TNRC6A: variants seen among roughly 807,000 people sequenced by gnomAD.
TNRC6A encodes trinucleotide repeat-containing gene 6A protein.
TNRC6A carries 44 observed loss-of-function variants against 221.2 expected under a neutral mutation model. The ratio of observed to expected loss-of-function variants is 0.20; its 90% CI spans 0.16 to 0.26. The LOEUF (loss-of-function observed/expected upper bound fraction) is 0.26, where lower values mean the gene tolerates loss of function less well. TNRC6A is among the 10% of genes least tolerant of loss of function. TNRC6A has a pLI of 1.00. For missense variants in TNRC6A, 2,199 were observed against 2,404.4 expected, an observed-to-expected ratio of 0.91 and a Z score of 1.79; for synonymous variants, 847 against 838.5, an observed-to-expected ratio of 1.01 and a Z score of -0.18.
chr16:24,802,564 T>C (rs1027832067), intron 11 of TNRC6A, among the ~76,000 whole-genome samples: 8 of 152,012 alleles, frequency 5.3e-5, no homozygotes, highest in African/African-American at 1.9e-4. Context: ...AAAGTGACAA[T>C]GGGACATCGA....
At chr16:24,712,162 G>C (rs2056217716) in intron 2 of TNRC6A, among the ~76,000 whole-genome samples, 1 of 151,560 alleles carries the variant, frequency 6.6e-6, no homozygotes, top group Non-Finnish European at 1.5e-5. Flanking sequence ...AACTTTTTTT[G>C]TTTTTAAGAG....
At chr16:24,615,924 G>T (rs1900320798) in intron 1 of TNRC6A, among the ~76,000 whole-genome samples, 1 of 138,534 alleles carries the variant, frequency 7.2e-6, no homozygotes. Context: ...GCCAGGTATG[G>T]TAACACAAAT....
Position 24,825,879 on chromosome 16 carries a change from C to G in TNRC6A, c.*2072C>G, listed in dbSNP as rs906271272. ...TTCCCCCTTCACGGCCCTCGCTTCT[C>G]CCTGCAGGAGCTCGGGGGCGAAACC... On this transcript the variant is annotated 3_prime_UTR_variant, in exon 25 of 25. Transcript: ENST00000395799. 6.5e-6 allele frequency: 1 copy of G among 152,694 alleles called. No homozygotes were observed. Among genetic ancestry groups the G allele is most frequent in the Non-Finnish European group, 1.5e-5 (1 of 68,064 alleles). 9.5% of individuals were successfully genotyped at this position (152,694 alleles called of 1,614,324 possible).
At chr16:24,679,093 G>C (rs1011303193) in intron 2 of TNRC6A, among the ~76,000 whole-genome samples, 1 of 150,436 alleles carries the variant, frequency 6.6e-6, no homozygotes, top group Non-Finnish European at 1.5e-5. Flanking sequence ...CCGCCTCCCA[G>C]ATTGAAGCAA....
At chr16:24,803,410 C>A (rs542879495) in intron 11 of TNRC6A, 1 of 151,524 alleles carries the variant, frequency 6.6e-6, no homozygotes, top group East Asian at 1.9e-4. Context: ...CAGAGTGAGA[C>A]CCCTTCTCAA....
At chr16:24,655,376 T>C (rs1480051222) in intron 2 of TNRC6A, among the ~76,000 whole-genome samples, 1 of 152,120 alleles carries the variant, frequency 6.6e-6, no homozygotes, top group African/African-American at 2.4e-5. Flanking sequence ...AGGCCTTAGA[T>C]AAGGGGAACA....
At position 24,642,323 on chromosome 16, in the gene TNRC6A, C is replaced by T. The variant is rs188851231; in HGVS notation, n.402+1314C>T. On this transcript the variant is annotated intron_variant and non_coding_transcript_variant, in intron 2 of 2. Transcript: ENST00000566108. ...CCATGGAAAATCTGAGAGCATCTGA[C>T]GCCTGTCGAGTTGTCAGGCAGGGAT... 2.0e-3 allele frequency among the ~76,000 whole-genome samples: 299 copies of T among 152,170 alleles called. 1 individual carries two copies. Among genetic ancestry groups the T allele is most frequent in the African/African-American group, 6.7e-3 (280 of 41,498 alleles).
At chr16:24,695,959 A>T (rs1386150790) in intron 2 of TNRC6A, among the ~76,000 whole-genome samples, 2 of 152,168 alleles carry the variant, frequency 1.3e-5, no homozygotes. Flanking sequence ...TTTGGCTGAG[A>T]TTCTGTCCCT....
chr16:24,681,584 T>C (rs1444902415), intron 2 of TNRC6A, among the ~76,000 whole-genome samples: 4 of 152,200 alleles, frequency 2.6e-5, no homozygotes, highest in African/African-American at 4.8e-5. Context: ...TAATCATTCA[T>C]AGTGAGCTAC....
At chr16:24,643,094 TTATATA>T (rs1467263946) in intron 2 of TNRC6A, among the ~76,000 whole-genome samples, 1 of 135,832 alleles carries the variant, frequency 7.4e-6, no homozygotes, top group African/African-American at 2.8e-5. Context: ...TATATATATT[TTATATA>T]TATATATAAA....
intron 2 of TNRC6A, among the ~76,000 whole-genome samples, chr16:24,695,031 G>A (rs2055829962): frequency 6.6e-6 from 1 of 152,160 alleles, no homozygotes; most frequent in Non-Finnish European, 1.5e-5. Flanking sequence ...GGGCCCTGCA[G>A]CTTTAATTTG....
intron 9 of TNRC6A, chr16:24,796,165 A>T (rs2058215511): frequency 4.3e-6 from 2 of 467,602 alleles, no homozygotes; most frequent in African/African-American, 2.0e-5. Context: ...GATGCTTGGG[A>T]TGGGATGTGT....
chr16:24,766,663 T>C (rs1032288853), intron 4 of TNRC6A, among the ~76,000 whole-genome samples: 8 of 150,396 alleles, frequency 5.3e-5, no homozygotes, highest in Non-Finnish European at 1.2e-4. Flanking sequence ...CTTGTACTTT[T>C]TTCTTTTTAT....
intron 2 of TNRC6A, among the ~76,000 whole-genome samples, chr16:24,737,965 A>G (rs569878337): frequency 1.3e-5 from 2 of 152,312 alleles, no homozygotes; most frequent in Admixed American, 1.3e-4. Context: ...AATATGTTTT[A>G]TATGTTATTC....
In TNRC6A at chr16:24,729,685, C is replaced by CGGT. The variant is rs1567395325; in HGVS notation, c.-155_-154insTGG. The CGGT allele has an allele frequency of 4.8e-6, 1 of 210,102 alleles. No individual in the cohort carries two copies. The allele number at this position is 210,102 out of a possible 1,614,324, so 13.0% of individuals were successfully genotyped here. On this transcript the variant is annotated 5_prime_UTR_variant, in exon 1 of 25. Transcript: ENST00000395799. Reference sequence around the variant, plus strand: ...CTGGGGCCTGCGGCGGCGGCGGTGTCGGCGGCGGCGGCGGCGGCGGCGGCG... The same window carrying CGGT: ...CTGGGGCCTGCGGCGGCGGCGGTGTCGGTGGCGGCGGCGGCGGCGGCGGCGGCG...
At chr16:24,796,821 G>C (rs925733243) in intron 9 of TNRC6A, among the ~76,000 whole-genome samples, 1 of 152,116 alleles carries the variant, frequency 6.6e-6, no homozygotes, top group Middle Eastern at 3.2e-3. Context: ...ATGGCTTCCA[G>C]CCTCCTTGTC....
intron 11 of TNRC6A, among the ~76,000 whole-genome samples, chr16:24,802,464 G>A (rs2058348917): frequency 6.6e-6 from 1 of 152,174 alleles, no homozygotes; most frequent in Non-Finnish European, 1.5e-5. Flanking sequence ...TGAGAGGATT[G>A]CTTGGGCCGG....
intron 2 of TNRC6A, among the ~76,000 whole-genome samples, chr16:24,730,644 A>T (rs1207918131): frequency 1.3e-5 from 2 of 149,568 alleles, no homozygotes; most frequent in Non-Finnish European, 3.0e-5. Context: ...GGCGGCCCTT[A>T]TGGCGGGCTG....
intron 5 of TNRC6A, among the ~76,000 whole-genome samples, chr16:24,780,769 T>A (rs376842866): frequency 1.4e-5 from 2 of 144,464 alleles, no homozygotes; most frequent in South Asian, 2.2e-4. Context: ...TTTTTTTTTT[T>A]AAAGAAAAAG....
Sources: allele counts gnomAD v4.1 joint callset (sites outside exome capture counted in the v4.1 genomes callset), GRCh38; gene constraint gnomAD v4.1.1; transcripts MANE v1.5; gene names NCBI Gene and HGNC (gene_info 2026-07-23, HGNC 2026-07-21).